Variants in ACOT12 observed in about 807,000 individuals in gnomAD.
ACOT12 encodes acetyl-coenzyme A thioesterase.
A neutral mutation model predicts 67.7 loss-of-function variants in ACOT12; 51 were observed. The observed-to-expected ratio is 0.75, with a 90% CI of 0.60 to 0.95. ACOT12 has a LOEUF of 0.95. ACOT12 is among the 40% of genes least tolerant of loss of function. The pLI is 0.00. For synonymous variants in ACOT12, 251 were observed against 244.6 expected, an observed-to-expected ratio of 1.03 and a Z score of -0.24; for missense variants, 734 against 708.1, an observed-to-expected ratio of 1.04 and a Z score of -0.41.
At chr5:81,364,922 G>A (rs1760030083) in intron 3 of ACOT12, among the ~76,000 whole-genome samples, 1 of 151,978 alleles carries the variant, frequency 6.6e-6, no homozygotes, top group Non-Finnish European at 1.5e-5. Context: ...TAGTCTCAGA[G>A]TTTCATAACC....
At chr5:81,309,142 C>T in the ACOT12 span, 2 of 862,994 alleles carry the variant, frequency 2.3e-6, no homozygotes, top group Admixed American at 3.0e-5. Flanking sequence ...GAATAAATTG[C>T]AAAACCTTGA....
At chr5:81,344,101 TA>T (rs1759293965) in intron 9 of ACOT12, 58 bp downstream of exon 9, 1 of 1,550,666 alleles carries the variant, frequency 6.4e-7, no homozygotes, top group Admixed American at 1.9e-5. Flanking sequence ...GGGGGGCTCT[TA>T]TATAATTTGT....
At chr5:81,393,172 G>A (rs576750616) in intron 1 of ACOT12, among the ~76,000 whole-genome samples, 1 of 152,278 alleles carries the variant, frequency 6.6e-6, no homozygotes, top group East Asian at 1.9e-4. Context: ...CAGGGTGAAT[G>A]CAGAAGCAGG....
At chr5:81,325,073 T>G (rs1487482862), downstream of ACOT12, among the ~76,000 whole-genome samples, 13 of 152,100 alleles carry the variant, frequency 8.5e-5, no homozygotes, top group South Asian at 2.7e-3. Context: ...AAAAGAGAAC[T>G]GATGGAAGGG....
At position 81,343,939 on chromosome 5, in the gene ACOT12, A is replaced by G. The variant is rs1580540447; in HGVS notation, c.981-58T>C. On this transcript the variant is annotated intron_variant, in intron 9 of 14. Coordinates refer to ENST00000307624, the MANE Select transcript of ACOT12 (RefSeq NM_130767.3). ...TTTTTTTCTCTGCATTTAGCACACA[A>G]CAATAACCATAATACTTTCTTGAAC... 5 of 1,472,210 alleles carry G rather than the reference A, an allele frequency of 3.4e-6. No homozygotes were observed. In the East Asian group the frequency reaches 1.1e-4, roughly 33 times the overall value. 91.2% of individuals were successfully genotyped at this position (1,472,210 alleles called of 1,614,324 possible). A position where few individuals can be genotyped will look rare whatever the true frequency, so the allele number is the denominator to read the frequency against.
At chr5:81,350,839 G>A (rs79807757) in intron 5 of ACOT12, among the ~76,000 whole-genome samples, 2,373 of 152,176 alleles carry the variant, frequency 0.016, 74 homozygotes, top group African/African-American at 0.053. Flanking sequence ...ACTCACTGAG[G>A]GAATCACCTT....
chr5:81,322,526 T>A, the ACOT12 span, among the ~76,000 whole-genome samples: 1 of 150,900 alleles, frequency 6.6e-6, no homozygotes, highest in Non-Finnish European at 1.5e-5. Context: ...AAAGGGAAGT[T>A]GGCGTGGGTG....
In ACOT12 at chr5:81,394,009, C is replaced by A; in HGVS notation, c.106G>T (p.Asp36Tyr). ...CTACCCGCCAGGCAGGCGGTGGTGTCGATCCACTTGAGCAGCTGCCCCGCG... is the reference window on the plus strand; with the variant it reads ...CTACCCGCCAGGCAGGCGGTGGTGTAGATCCACTTGAGCAGCTGCCCCGCG... Reference protein sequence around the residue: ...LSAGQLLKWIDTTACLAAEKH... With the variant: ...LSAGQLLKWIYTTACLAAEKH... The change falls in exon 1 of 15, where the codon GAC (aspartate) becomes TAC (tyrosine). Residue 36 changes from aspartate (D) to tyrosine (Y), a missense_variant. Physicochemically the swap from Asp to Tyr is radical, Grantham distance 160 (BLOSUM62 -3). Coordinates refer to ENST00000307624, the MANE Select transcript of ACOT12 (RefSeq NM_130767.3). 10 of 1,429,640 alleles carry A rather than the reference C, an allele frequency of 7.0e-6. No homozygotes were observed. The highest frequency in any genetic ancestry group is 9.1e-6 in the Non-Finnish European group (10 of 1,094,212). 88.6% of individuals were successfully genotyped at this position (1,429,640 alleles called of 1,614,324 possible). A position where few individuals can be genotyped will look rare whatever the true frequency, so the allele number is the denominator to read the frequency against.
chr5:81,314,329 T>C, the ACOT12 span, among the ~76,000 whole-genome samples: 1 of 152,164 alleles, frequency 6.6e-6, no homozygotes, highest in Non-Finnish European at 1.5e-5. Context: ...GGTCTCGAAA[T>C]CTTGACCTCG....
At chr5:81,370,078 T>C (rs921888026) in intron 3 of ACOT12, among the ~76,000 whole-genome samples, 3 of 152,090 alleles carry the variant, frequency 2.0e-5, no homozygotes, top group Non-Finnish European at 4.4e-5. Flanking sequence ...GTCAGAAGAT[T>C]GAGATCATCC....
chr5:81,321,169 T>C, the ACOT12 span, among the ~76,000 whole-genome samples: 4,024 of 152,200 alleles, frequency 0.026, 187 homozygotes, highest in African/African-American at 0.092. Flanking sequence ...GGGAAAAGGA[T>C]TGCTTGAGCC....
the ACOT12 span, chr5:81,313,385 C>T: frequency 6.6e-6 from 1 of 152,262 alleles, no homozygotes; most frequent in African/African-American, 2.4e-5. Flanking sequence ...CAAGAGAGAA[C>T]TTCTAGCCAA....
chr5:81,344,101 T>C, intron 9 of ACOT12, 59 bp downstream of exon 9: 1 of 1,550,666 alleles, frequency 6.4e-7, no homozygotes, highest in South Asian at 1.2e-5. Flanking sequence ...GGGGGGCTCT[T>C]ATATAATTTG....
chr5:81,341,689 G>T (rs1759196579), intron 11 of ACOT12, among the ~76,000 whole-genome samples: 1 of 152,174 alleles, frequency 6.6e-6, no homozygotes, highest in African/African-American at 2.4e-5. Flanking sequence ...GGAGCTTACA[G>T]TCTAGTTATT....
intron 3 of ACOT12, among the ~76,000 whole-genome samples, chr5:81,369,067 C>T (rs1397615193): frequency 6.6e-6 from 1 of 150,654 alleles, no homozygotes; most frequent in Non-Finnish European, 1.5e-5. Context: ...TGTCAAAGCT[C>T]AGCAAAATGT....
At chr5:81,380,288 G>C (rs1403026713) in intron 2 of ACOT12, among the ~76,000 whole-genome samples, 2 of 152,094 alleles carry the variant, frequency 1.3e-5, no homozygotes, top group African/African-American at 4.8e-5. Context: ...CAAAGGCCAG[G>C]CATGGTGGCT....
At chr5:81,312,617 A>G in the ACOT12 span, 1 of 1,613,842 alleles carries the variant, frequency 6.2e-7, no homozygotes, top group African/African-American at 1.3e-5. Flanking sequence ...ATGTACCTAA[A>G]CCGCAAAAAC....
Position 81,348,027 on chromosome 5 carries a change from T to G in ACOT12, c.497-97A>C, listed in dbSNP as rs1040573748. ...CGGCAGTACATTCAACTCGGATTTA[T>G]AGAAAAATTAAAGTGTTCTCAAAGC... On this transcript the variant is annotated intron_variant, in intron 5 of 14. Transcript: ENST00000307624. 5 of 1,365,624 alleles carry G rather than the reference T, an allele frequency of 3.7e-6. No homozygotes were observed. In the African/African-American group the frequency reaches 7.3e-5, roughly 20 times the overall value. 84.6% of individuals were successfully genotyped at this position (1,365,624 alleles called of 1,614,324 possible). A position where few individuals can be genotyped will look rare whatever the true frequency, so the allele number is the denominator to read the frequency against.
chr5:81,327,226 A>G (rs1217088091), downstream of ACOT12, among the ~76,000 whole-genome samples: 1 of 142,624 alleles, frequency 7.0e-6, no homozygotes, highest in African/African-American at 2.8e-5. Context: ...ACACACATAT[A>G]TATACATACA....
Sources: allele counts gnomAD v4.1 joint callset (sites outside exome capture counted in the v4.1 genomes callset), GRCh38; gene constraint gnomAD v4.1.1; transcripts MANE v1.5; gene names NCBI Gene and HGNC (gene_info 2026-07-23, HGNC 2026-07-21).